FAM227B: variants seen among roughly 807,000 people sequenced by gnomAD.
The protein encoded by FAM227B is family with sequence similarity 227 member B.
Under a neutral mutation model 73.8 loss-of-function variants are expected in FAM227B, and 88 were observed. That is an observed-to-expected ratio of 1.19 (90% CI 1.00 to 1.42). The LOEUF is 1.42. FAM227B is among the 40% of genes most tolerant of loss of function. FAM227B has a pLI of 0.00. For missense variants in FAM227B, 632 were observed against 590.9 expected (o/e 1.07, Z -0.72); for synonymous variants, 210 against 190.5 (o/e 1.10, Z -0.84).
chr15:49,618,776 C>T (rs538819137), intron 1 of FAM227B, among the ~76,000 whole-genome samples: 1 of 152,298 alleles, frequency 6.6e-6, no homozygotes, highest in African/African-American at 2.4e-5. Flanking sequence ...TATATTTAGA[C>T]ATGGGGGTAA....
At chr15:49,418,211 T>C (rs1426666191) in intron 11 of FAM227B, among the ~76,000 whole-genome samples, 2 of 152,150 alleles carry the variant, frequency 1.3e-5, no homozygotes. Context: ...ACACTGCTGA[T>C]AGGAGTGTAA....
At chr15:49,353,432 G>A (rs1567130789) in intron 13 of FAM227B, 1 of 152,112 alleles carries the variant, frequency 6.6e-6, no homozygotes. Flanking sequence ...TTTGGCAGAG[G>A]AAGTCTTTTA....
chr15:49,591,639 C>T (rs764934760), intron 3 of FAM227B, among the ~76,000 whole-genome samples: 1 of 151,866 alleles, frequency 6.6e-6, no homozygotes, highest in Non-Finnish European at 1.5e-5. Context: ...GCACGTGCCA[C>T]CATGCCCAAC....
chr15:49,447,521 T>G (rs16962483), intron 11 of FAM227B, among the ~76,000 whole-genome samples: 2 of 151,690 alleles, frequency 1.3e-5, no homozygotes, highest in Non-Finnish European at 3.0e-5. Flanking sequence ...TGTGATTTAA[T>G]TACTAAGTCT....
Position 49,605,746 on chromosome 15 carries a change from G to A in FAM227B, c.105+5469C>T, listed in dbSNP as rs563688496. ...CCCTGGAAATGGCCTGGAGCCTGCA[G>A]CAGCCTGGTGCTGGAGTGGGCCTGG... On this transcript the variant is annotated intron_variant, in intron 3 of 15. Coordinates refer to ENST00000299338, the MANE Select transcript of FAM227B (RefSeq NM_152647.3). Among the ~76,000 whole-genome samples the A allele has an allele frequency of 8.8e-4, 134 of 151,526 alleles. 5 individuals are homozygous for A. In the South Asian group the frequency reaches 0.027, roughly 30 times the overall value.
intron 15 of FAM227B, 90 bp downstream of exon 15, chr15:49,331,690 G>T: frequency 1.3e-6 from 1 of 783,828 alleles, no homozygotes; most frequent in Non-Finnish European, 2.2e-6. Flanking sequence ...ATTTGGGTGT[G>T]CCACCATACA....
At chr15:49,431,301 A>G (rs1351964445) in intron 11 of FAM227B, among the ~76,000 whole-genome samples, 2 of 151,792 alleles carry the variant, frequency 1.3e-5, no homozygotes, top group African/African-American at 4.8e-5. Context: ...CCGCTTTTGG[A>G]CCAAGTTTTT....
intron 14 of FAM227B, 91 bp from the exon 15 acceptor site, chr15:49,331,940 T>C: frequency 2.6e-6 from 2 of 776,844 alleles, no homozygotes; most frequent in Non-Finnish European, 4.6e-6. Flanking sequence ...GAATTTAATA[T>C]GCTGGGCATT....
intron 11 of FAM227B, among the ~76,000 whole-genome samples, chr15:49,482,155 C>A (rs2056010798): frequency 6.6e-6 from 1 of 151,990 alleles, no homozygotes; most frequent in African/African-American, 2.4e-5. Context: ...ACTGTACCTT[C>A]ATGTAGAAAA....
intron 8 of FAM227B, among the ~76,000 whole-genome samples, chr15:49,571,367 A>G (rs896028941): frequency 4.6e-5 from 7 of 151,856 alleles, no homozygotes; most frequent in African/African-American, 1.7e-4. Context: ...ACGCAATTCC[A>G]TTTGTCTATT....
chr15:49,557,427 T>C (rs994425159), intron 9 of FAM227B, among the ~76,000 whole-genome samples: 7 of 152,314 alleles, frequency 4.6e-5, no homozygotes, highest in African/African-American at 1.2e-4. Flanking sequence ...TTCACTTAAC[T>C]TTGCTGTTGC....
intron 11 of FAM227B, among the ~76,000 whole-genome samples, chr15:49,410,773 T>G (rs1189922168): frequency 6.6e-6 from 1 of 152,134 alleles, no homozygotes; most frequent in East Asian, 1.9e-4. Context: ...TATGGGTTAT[T>G]ATTTGAGAAT....
At chr15:49,411,659 C>A (rs2048880596) in intron 11 of FAM227B, among the ~76,000 whole-genome samples, 1 of 151,952 alleles carries the variant, frequency 6.6e-6, no homozygotes, top group Admixed American at 6.6e-5. Flanking sequence ...CTAGAATTAT[C>A]CCCTTTAATT....
At chr15:49,542,741 T>C (rs939729041) in intron 9 of FAM227B, among the ~76,000 whole-genome samples, 1 of 149,826 alleles carries the variant, frequency 6.7e-6, no homozygotes, top group African/African-American at 2.4e-5. Flanking sequence ...AAACTAGTTA[T>C]ACATTTATTT....
At chr15:49,370,193 C>G (rs1029081113) in intron 12 of FAM227B, among the ~76,000 whole-genome samples, 25 of 152,222 alleles carry the variant, frequency 1.6e-4, no homozygotes, top group African/African-American at 5.8e-4. Flanking sequence ...TCCAAGCTGA[C>G]TAGTACAATG....
intron 9 of FAM227B, among the ~76,000 whole-genome samples, chr15:49,546,041 T>C (rs1006008065): frequency 5.3e-5 from 8 of 151,980 alleles, no homozygotes; most frequent in Non-Finnish European, 1.0e-4. Context: ...ATGTGCCATG[T>C]TGGTGTGCTG....
At chr15:49,502,311 C>A (rs1001824548) in intron 11 of FAM227B, among the ~76,000 whole-genome samples, 12 of 152,226 alleles carry the variant, frequency 7.9e-5, no homozygotes, top group African/African-American at 1.2e-4. Context: ...CACTCAATAA[C>A]CTGTGAGAGC....
chr15:49,507,878 C>G (rs1468439164), intron 11 of FAM227B, among the ~76,000 whole-genome samples: 2 of 151,640 alleles, frequency 1.3e-5, no homozygotes, highest in Non-Finnish European at 2.9e-5. Context: ...AACTGAAACC[C>G]TAAAGAAAAC....
At chr15:49,519,005 A>G (rs1321421959) in intron 10 of FAM227B, among the ~76,000 whole-genome samples, 1 of 152,250 alleles carries the variant, frequency 6.6e-6, no homozygotes. Flanking sequence ...GGGTACAGGC[A>G]TTTGGTAAAT....
Sources: allele counts gnomAD v4.1 joint callset (sites outside exome capture counted in the v4.1 genomes callset), GRCh38; gene constraint gnomAD v4.1.1; transcripts MANE v1.5; gene names NCBI Gene and HGNC (gene_info 2026-07-23, HGNC 2026-07-21).